The following HERC1 variants were observed in gnomAD, a reference collection of about 807,000 sequenced individuals.
The protein encoded by HERC1 is probable E3 ubiquitin-protein ligase HERC1.
Under a neutral mutation model 554.3 loss-of-function variants are expected in HERC1, and 160 were observed. The ratio of observed to expected loss-of-function variants is 0.29; its 90% confidence interval spans 0.25 to 0.33. The LOEUF (loss-of-function observed/expected upper bound fraction) is 0.33. HERC1 is among the 10% of genes least tolerant of loss of function. The probability of loss-of-function intolerance (pLI) is 1.00; values close to 1 mark genes in which losing one functional copy is unlikely to be tolerated. For synonymous variants in HERC1, 2,175 were observed against 2,131.7 expected (o/e 1.02, Z -0.56); for missense variants, 4,919 against 5,918.5 (o/e 0.83, Z 5.54).
intron 1 of HERC1, among the ~76,000 whole-genome samples, chr15:63,811,506 C>T (rs985170832): frequency 1.3e-4 from 20 of 151,926 alleles, no homozygotes; most frequent in African/African-American, 4.8e-4. Flanking sequence ...AGCTGAGCCC[C>T]GGTAACATAA....
chr15:63,797,674 C>T (rs2076853603), intron 1 of HERC1, among the ~76,000 whole-genome samples: 1 of 152,206 alleles, frequency 6.6e-6, no homozygotes, highest in African/African-American at 2.4e-5. Flanking sequence ...CATGGCCAGC[C>T]TCCTGTCAAT....
rs1450080001 is a variant in HERC1, at chr15:63,663,142, G to A, written c.8743C>T (p.Gln2915Ter). Reference sequence around the variant, plus strand: ...TCATACAACGCCCCTGGGTCTTGCTGCAAAGATATTCCTTCTCTCCGACTT... The same window carrying A: ...TCATACAACGCCCCTGGGTCTTGCTACAAAGATATTCCTTCTCTCCGACTT... ...NQSRREGISL[Q>*]QDPGALYDFN... Residue 2915 changes from glutamine (Q) to a stop codon, truncating the protein, a stop_gained, in exon 44 of 78, where the codon CAG becomes TAG. Coordinates refer to ENST00000443617, the MANE Select transcript of HERC1 (RefSeq NM_003922.4). LOFTEE classifies it high-confidence loss of function. The A allele has an allele frequency of 6.2e-7, 1 of 1,613,962 alleles. No homozygotes were observed. Among genetic ancestry groups the A allele is most frequent in the Non-Finnish European group, 8.5e-7 (1 of 1,179,856 alleles).
At chr15:63,816,725 C>T (rs948830955) in intron 1 of HERC1, among the ~76,000 whole-genome samples, 4 of 152,166 alleles carry the variant, frequency 2.6e-5, no homozygotes, top group African/African-American at 9.7e-5. Context: ...CCAATCATCC[C>T]AGTACCAGTG....
Position 63,640,312 on chromosome 15 carries a change from G to C in HERC1, c.11741C>G (p.Pro3914Arg), listed in dbSNP as rs771460416. The C allele has an allele frequency of 6.2e-7, 1 of 1,613,934 alleles. No homozygotes were observed. The highest frequency in any genetic ancestry group is 1.7e-5 in the Admixed American group (1 of 60,018). ...PVPPHHQNCL[P>R]DPASWNPNEW... ...ATTTGGATTCCAGGATGCAGGGTCA[G>C]GGAGACAGTTCTGGTGGTGTGGTGG... Residue 3914 changes from proline to arginine, a missense_variant, in exon 61 of 78, where the codon CCT (proline) becomes CGT (arginine). By Grantham distance (103) the Pro-to-Arg change is moderately radical (BLOSUM62 -2). Coordinates refer to ENST00000443617, the MANE Select transcript of HERC1 (RefSeq NM_003922.4).
At chr15:63,690,031 G>T (rs560488483) in intron 32 of HERC1, among the ~76,000 whole-genome samples, 24 of 152,122 alleles carry the variant, frequency 1.6e-4, no homozygotes, top group African/African-American at 5.1e-4. Flanking sequence ...AGGCATGGTA[G>T]CATGTGCCTA....
chr15:63,790,687 A>T (rs2076621638), intron 1 of HERC1, among the ~76,000 whole-genome samples: 1 of 152,072 alleles, frequency 6.6e-6, no homozygotes, highest in Admixed American at 6.6e-5. Flanking sequence ...CAGGACATCA[A>T]CTTTGTGTGT....
intron 12 of HERC1, among the ~76,000 whole-genome samples, chr15:63,741,603 G>C (rs1292967364): frequency 6.6e-6 from 1 of 152,166 alleles, no homozygotes; most frequent in Non-Finnish European, 1.5e-5. Flanking sequence ...CTGGCCCTAT[G>C]TTTTCTTTTA....
chr15:63,696,475 TTTATTA>T, intron 26 of HERC1, 136 bp from the exon 27 acceptor site: 4 of 616,290 alleles, frequency 6.5e-6, no homozygotes, highest in Non-Finnish European at 5.6e-6. Flanking sequence ...AAACATTTAT[TTTATTA>T]TTATTACTTT....
chr15:63,770,830 G>C (rs1370177008), intron 2 of HERC1, among the ~76,000 whole-genome samples: 7 of 152,104 alleles, frequency 4.6e-5, no homozygotes, highest in Admixed American at 3.9e-4. Flanking sequence ...GTCAGGTTGG[G>C]GTCTAGTGTA....
At chr15:63,699,383 A>T (rs2072602032) in intron 25 of HERC1, among the ~76,000 whole-genome samples, 2 of 152,236 alleles carry the variant, frequency 1.3e-5, no homozygotes, top group African/African-American at 4.8e-5. Flanking sequence ...TGCTAGTAAG[A>T]CCTACTCAAA....
Position 63,677,228 on chromosome 15 carries a change from A to G in HERC1, c.7070+617T>C, listed in dbSNP as rs1332306404. 6.6e-6 allele frequency among the ~76,000 whole-genome samples: 1 copy of G among 152,220 alleles called. No individual in the cohort carries two copies. The highest frequency in any genetic ancestry group is 1.5e-5 in the Non-Finnish European group (1 of 68,034). On this transcript the variant is annotated intron_variant, in intron 37 of 77. Coordinates refer to ENST00000443617, the MANE Select transcript of HERC1 (RefSeq NM_003922.4). The surrounding 1 kb of genome is among the most constrained non-coding windows in gnomAD (Gnocchi z 4.4). ...GCTCAACCTGCATTTCCTTGTAAAC[A>G]TATGAAATTTGTAATTTGCACAAAT...
At chr15:63,616,729 AT>A in intron 74 of HERC1, 47 bp from the exon 75 acceptor site, 1 of 1,569,492 alleles carries the variant, frequency 6.4e-7, no homozygotes, top group Non-Finnish European at 8.7e-7. Context: ...CCTTATTTCT[AT>A]TAGAAATAAG....
chr15:63,690,529 A>G lies in HERC1; in HGVS notation c.5937+12T>C, dbSNP rs553960244. The stretch of plus-strand genomic sequence containing the variant: ...ATGGAAAACATCTTCTAATAATTTT[A>G]AAAATAAAAACCTGGGCCATTTGAT... On this transcript the variant is annotated intron_variant, in intron 32 of 77. Transcript: ENST00000443617. The G allele has an allele frequency of 1.7e-5, 26 of 1,557,190 alleles. No individual in the cohort carries two copies. The African/African-American group carries it at 3.3e-4, about 20-fold the overall frequency.
rs2069151511 is a variant in HERC1 at position 63,643,077 on chromosome 15, A to G, written c.11332-19T>C. On this transcript the variant is annotated intron_variant, in intron 58 of 77. Transcript: ENST00000443617. ...AGCCATCCTAAAATGAGATATATTT[A>G]CCAATACACACCATTGAACTGTAGG... The G allele has an allele frequency of 7.4e-7, 1 of 1,343,420 alleles. No individual in the cohort carries two copies. The highest frequency in any genetic ancestry group is 2.3e-5 in the East Asian group (1 of 43,412). The allele number at this position is 1,343,420 out of a possible 1,614,324, so 83.2% of individuals were successfully genotyped here.
At chr15:63,752,924 C>T (rs776143418) in intron 8 of HERC1, 34 bp downstream of exon 8, 2 of 1,593,672 alleles carry the variant, frequency 1.3e-6, no homozygotes, top group East Asian at 2.2e-5. Context: ...CTCTGAAATA[C>T]TCTAAGTCTT....
chr15:63,702,572 G>A (rs992117922), intron 25 of HERC1, among the ~76,000 whole-genome samples: 4 of 152,020 alleles, frequency 2.6e-5, no homozygotes, highest in Non-Finnish European at 5.9e-5. Flanking sequence ...GTAAACAATC[G>A]TACAACCATA....
chr15:63,688,444 G>C (rs1567015195), intron 33 of HERC1, among the ~76,000 whole-genome samples: 1 of 152,018 alleles, frequency 6.6e-6, no homozygotes, highest in Non-Finnish European at 1.5e-5. Flanking sequence ...TATAAGTCTA[G>C]AATTCAGGGG....
chr15:63,674,550 G>T lies in HERC1; in HGVS notation c.7638C>A (p.Asp2546Glu). 1 of 1,612,872 alleles carries T rather than the reference G, an allele frequency of 6.2e-7. No homozygotes were observed. The highest frequency in any genetic ancestry group is 8.5e-7 in the Non-Finnish European group (1 of 1,179,338). ...CATGAACAACTGGAGAACTTGCACA[G>T]TCTGAGTTGTGGCCATTTTCAGCCA... ...KVLAENGHNS[D>E]CASSPVVHED... The change falls in exon 38 of 78, where the codon GAC becomes GAA. Residue 2546 changes from aspartate to glutamate, a missense_variant. This residue lies in a region of HERC1 where 1,963 missense variants were observed against 2,228.6 expected (regional missense o/e 0.88). Coordinates refer to ENST00000443617, the MANE Select transcript of HERC1 (RefSeq NM_003922.4).
intron 37 of HERC1, among the ~76,000 whole-genome samples, chr15:63,675,887 G>A (rs1346638690): frequency 6.8e-6 from 1 of 147,414 alleles, no homozygotes; most frequent in African/African-American, 2.5e-5. Context: ...CACTTATTTT[G>A]CTATACTGTA....
Sources: gnomAD v4.1 joint callset for allele counts (sites outside exome capture counted in the v4.1 genomes callset) on GRCh38, gnomAD v4.1.1 for gene constraint, gnomAD v4.1.1 regional missense constraint, Gnocchi (gnomAD v3.1) non-coding constraint, MANE v1.5 for transcripts, NCBI Gene and HGNC (gene_info 2026-07-23, HGNC 2026-07-21) for gene names.